VMA21: variants seen among roughly 807,000 people sequenced by gnomAD.
VMA21 encodes vacuolar ATPase assembly factor VMA21, also known as vacuolar ATPase assembly integral membrane protein VMA21.
For missense variants in VMA21, 61 were observed against 80.6 expected (o/e 0.76, Z 0.93); for synonymous variants, 47 against 34.1 (o/e 1.38, Z -1.32).
At chrX:151,397,786 T>C (rs1381809046) in intron 1 of VMA21, among the ~76,000 whole-genome samples, 1 of 111,812 alleles carries the variant, frequency 8.9e-6, no homozygotes, top group Non-Finnish European at 1.9e-5. Flanking sequence ...AGTCCCCTGG[T>C]GTGAGATTGC....
intron 2 of VMA21, 90 bp downstream of exon 2, chrX:151,403,830 C>A: frequency 1.5e-6 from 1 of 655,292 alleles, no homozygotes; most frequent in Non-Finnish European, 2.4e-6. Context: ...ACTGGGTATT[C>A]TTATTTTTTT....
rs1276417010 is a variant in VMA21 at position 151,406,734 on chromosome X, A to G, written c.*1676A>G. 1 of 111,621 alleles carries G rather than the reference A, an allele frequency of 9.0e-6. No individual in the cohort carries two copies. The highest frequency in any genetic ancestry group is 1.9e-5 in the Non-Finnish European group (1 of 53,124). The allele number at this position is 111,621 out of a possible 1,213,427, so 9.2% of individuals were successfully genotyped here. On this transcript the variant is annotated 3_prime_UTR_variant, in exon 3 of 3. Coordinates refer to ENST00000330374, the MANE Select transcript of VMA21 (RefSeq NM_001017980.4). ...TCTATCTTTATTCTCTTAAAATTCA[A>G]ATTTTCTGTTACTGATAATCCTAAT...
At chrX:151,396,919 G>A (rs1406506113), upstream of VMA21, 1 of 524,490 alleles carries the variant, frequency 1.9e-6, no homozygotes, top group Middle Eastern at 3.2e-4. Flanking sequence ...TTCAGGGGGC[G>A]GCGTAGCCGC....
intron 2 of VMA21, 27 bp downstream of exon 2, chrX:151,403,767 T>C (rs369045720): frequency 9.3e-7 from 1 of 1,075,501 alleles, no homozygotes; most frequent in Non-Finnish European, 1.3e-6. Flanking sequence ...TAAAACAAGA[T>C]GTTTTCCCCC....
rs751436731 is a variant in VMA21, at chrX:151,403,916, T to A, written c.163+176T>A. Among the ~76,000 whole-genome samples the A allele has an allele frequency of 3.6e-5, 4 of 111,890 alleles. No individual in the cohort carries two copies. The South Asian group carries it at 1.1e-3, about 31-fold the overall frequency. Reference sequence around the variant, plus strand: ...ATAACTTATTGTTTCAGCTTGACAGTTTTCCTATGGTTTTCTGTGAAATAG... The same window carrying A: ...ATAACTTATTGTTTCAGCTTGACAGATTTCCTATGGTTTTCTGTGAAATAG... On this transcript the variant is annotated intron_variant, in intron 2 of 2. Coordinates refer to ENST00000330374, the MANE Select transcript of VMA21 (RefSeq NM_001017980.4).
intron 2 of VMA21, among the ~76,000 whole-genome samples, chrX:151,404,602 A>G (rs1373844443): frequency 3.7e-5 from 4 of 108,731 alleles, no homozygotes; most frequent in African/African-American, 1.3e-4. Flanking sequence ...TTGTATTTTT[A>G]GTAGAGACGG....
At chrX:151,399,665 G>C (rs941238731) in intron 1 of VMA21, among the ~76,000 whole-genome samples, 18 of 111,626 alleles carry the variant, frequency 1.6e-4, no homozygotes, top group Non-Finnish European at 3.2e-4. Flanking sequence ...TTACTAGTAG[G>C]AAACAGTTTA....
chrX:151,402,100 G>A lies in VMA21; in HGVS notation c.54-1531G>A, dbSNP rs145626603. Reference sequence around the variant, plus strand: ...GATTGTTTTCTTGATTTCTTTTTCAGCTCAGTAAAGGATGCGGAAGTTTGT... The same window carrying A: ...GATTGTTTTCTTGATTTCTTTTTCAACTCAGTAAAGGATGCGGAAGTTTGT... On this transcript the variant is annotated intron_variant, in intron 1 of 2. Coordinates refer to ENST00000330374, the MANE Select transcript of VMA21 (RefSeq NM_001017980.4). Among the ~76,000 whole-genome samples the A allele has an allele frequency of 9.1e-3, 1,008 of 110,989 alleles. 15 individuals are homozygous for A. Among genetic ancestry groups the A allele is most frequent in the African/African-American group, 0.03 (926 of 30,476 alleles).
intron 1 of VMA21, among the ~76,000 whole-genome samples, chrX:151,401,999 C>G (rs1249870166): frequency 9.0e-6 from 1 of 110,577 alleles, no homozygotes; most frequent in East Asian, 2.8e-4. Flanking sequence ...CTCAGCCTTC[C>G]CAAAGTGCTG....
rs774944378 is a variant in VMA21 at position 151,402,021 on chromosome X, A to G, written c.54-1610A>G. 4.8e-3 allele frequency among the ~76,000 whole-genome samples: 529 copies of G among 109,408 alleles called. 3 individuals are homozygous for G. The highest frequency in any genetic ancestry group is 0.016 in the African/African-American group (479 of 30,001). ...TTCCCAAAGTGCTGGGATTACAGGCATGAGCCACTGAGCCTGGCCCCTAAG... is the reference window on the plus strand; with the variant it reads ...TTCCCAAAGTGCTGGGATTACAGGCGTGAGCCACTGAGCCTGGCCCCTAAG... On this transcript the variant is annotated intron_variant, in intron 1 of 2. Transcript: ENST00000330374.
chrX:151,403,150 G>A (rs1219380912), intron 1 of VMA21, among the ~76,000 whole-genome samples: 3 of 111,817 alleles, frequency 2.7e-5, no homozygotes, highest in Admixed American at 9.4e-5. Context: ...GTCGCTTCCC[G>A]TGACGGAAGC....
rs1314297975 is a variant in VMA21, at chrX:151,407,546, T to C, written c.*2488T>C. 1 of 112,786 alleles carries C rather than the reference T, an allele frequency of 8.9e-6. No individual in the cohort carries two copies. The highest frequency in any genetic ancestry group is 3.2e-5 in the African/African-American group (1 of 30,971). The allele number at this position is 112,786 out of a possible 1,213,427, so 9.3% of individuals were successfully genotyped here. On this transcript the variant is annotated 3_prime_UTR_variant, in exon 3 of 3. Coordinates refer to ENST00000330374, the MANE Select transcript of VMA21 (RefSeq NM_001017980.4). Reference sequence around the variant, plus strand: ...AAGGTAGAAATATGTTCCCTATTGTTTGAAAACTGATTGTAAGAATAACCT... The same window carrying C: ...AAGGTAGAAATATGTTCCCTATTGTCTGAAAACTGATTGTAAGAATAACCT...
At chrX:151,399,265 C>T (rs1205535074) in intron 1 of VMA21, among the ~76,000 whole-genome samples, 2 of 111,475 alleles carry the variant, frequency 1.8e-5, no homozygotes, top group Non-Finnish European at 3.8e-5. Context: ...TGTGTGGGGG[C>T]TAGAAATTAA....
At chrX:151,397,452 G>A in intron 1 of VMA21, 91 bp downstream of exon 1, 1 of 1,036,698 alleles carries the variant, frequency 9.6e-7, no homozygotes, top group Admixed American at 2.7e-5. Context: ...GGGTGGGCGT[G>A]AGGTCTGGAC....
In VMA21 at chrX:151,406,370, CTTTAT is replaced by C. The variant is rs1205414801; in HGVS notation, c.*1320_*1324del. On this transcript the variant is annotated 3_prime_UTR_variant, in exon 3 of 3. Coordinates refer to ENST00000330374, the MANE Select transcript of VMA21 (RefSeq NM_001017980.4). ...TATTGGCCATTTTCTTTTTCTTTTT[CTTTAT>C]TTTATTTATTTATTTTTTTGAGACA... 1 of 109,857 alleles carries C rather than the reference CTTTAT, an allele frequency of 9.1e-6. No individual in the cohort carries two copies. The highest frequency in any genetic ancestry group is 3.3e-5 in the African/African-American group (1 of 30,163). 9.1% of individuals were successfully genotyped at this position (109,857 alleles called of 1,213,427 possible).
upstream of VMA21, chrX:151,396,665 T>G (rs2011191251): frequency 2.5e-6 from 1 of 400,972 alleles, no homozygotes; most frequent in Non-Finnish European, 4.4e-6. Flanking sequence ...TTTTAACTCC[T>G]CCCAGCTGCC....
Position 151,409,250 on chromosome X carries a change from T to C in VMA21, c.*4192T>C, listed in dbSNP as rs1306346220. On this transcript the variant is annotated 3_prime_UTR_variant, in exon 3 of 3. Coordinates refer to ENST00000330374, the MANE Select transcript of VMA21 (RefSeq NM_001017980.4). ...GCTACTTGAATCCGATTTACTTCTG[T>C]TAAGTGATGCTTTTCTAACCGTTTT... The C allele has an allele frequency of 8.9e-6, 1 of 111,966 alleles. No individual in the cohort carries two copies. Among genetic ancestry groups the C allele is most frequent in the Non-Finnish European group, 1.9e-5 (1 of 53,267 alleles). The allele number at this position is 111,966 out of a possible 1,213,427, so 9.2% of individuals were successfully genotyped here. A position where few individuals can be genotyped will look rare whatever the true frequency, so the allele number is the denominator to read the frequency against.
intron 2 of VMA21, 90 bp downstream of exon 2, chrX:151,403,830 C>T: frequency 1.5e-6 from 1 of 655,292 alleles, no homozygotes; most frequent in East Asian, 3.3e-5. Context: ...ACTGGGTATT[C>T]TTATTTTTTT....
At chrX:151,401,616 A>C (rs2011237393) in intron 1 of VMA21, among the ~76,000 whole-genome samples, 1 of 112,260 alleles carries the variant, frequency 8.9e-6, no homozygotes, top group South Asian at 3.7e-4. Flanking sequence ...TAGACATTTC[A>C]ACAGTATTAA....
Sources: gnomAD v4.1 joint callset for allele counts (sites outside exome capture counted in the v4.1 genomes callset) on GRCh38, gnomAD v4.1.1 for gene constraint, MANE v1.5 for transcripts, NCBI Gene and HGNC (gene_info 2026-07-23, HGNC 2026-07-21) for gene names.